Variants in TYRP1 observed in about 807,000 individuals in gnomAD.
The protein encoded by TYRP1 is tyrosinase related protein 1, also known as 5,6-dihydroxyindole-2-carboxylic acid oxidase.
A neutral mutation model predicts 42.8 loss-of-function variants in TYRP1; 49 were observed. The ratio of observed to expected loss-of-function variants is 1.14; its 90% CI spans 0.91 to 1.45. TYRP1 has a LOEUF of 1.45. TYRP1 is among the 40% of genes most tolerant of loss of function. The probability of loss-of-function intolerance (pLI) is 0.00; values close to 1 mark genes in which losing one functional copy is unlikely to be tolerated. For synonymous variants in TYRP1, 279 were observed against 235.4 expected (o/e 1.19, Z -1.69); for missense variants, 848 against 662.0 (o/e 1.28, Z -3.08).
chr9:12,698,813 T>A (rs891315405), intron 4 of TYRP1, among the ~76,000 whole-genome samples, 158 bp downstream of exon 4: 2 of 152,140 alleles, frequency 1.3e-5, no homozygotes, highest in African/African-American at 2.4e-5. Flanking sequence ...ACACCTAGAA[T>A]GTTCAAGGTA....
intron 6 of TYRP1, 44 bp downstream of exon 6, chr9:12,704,749 T>G: frequency 6.3e-7 from 1 of 1,582,976 alleles, no homozygotes; most frequent in Non-Finnish European, 8.7e-7. Flanking sequence ...GCTGGGCGGA[T>G]TGTTTAGATG....
chr9:12,708,965 C>T lies in TYRP1; in HGVS notation c.1409-12C>T. 6.2e-7 allele frequency: 1 copy of T among 1,609,540 alleles called. No individual in the cohort carries two copies. The highest frequency in any genetic ancestry group is 8.5e-7 in the Non-Finnish European group (1 of 1,176,764). On this transcript the variant is annotated splice_polypyrimidine_tract_variant and intron_variant, in intron 7 of 7. Transcript: ENST00000388918. ...TATTTGTCTTTTTATTTTTATCTTC[C>T]TTTCCAAATAGGTCGGGAGTTTAGT...
chr9:12,703,449 T>C (rs1259567590), intron 5 of TYRP1, among the ~76,000 whole-genome samples: 2 of 151,982 alleles, frequency 1.3e-5, no homozygotes, highest in Non-Finnish European at 2.9e-5. Flanking sequence ...TTGGCTAATC[T>C]GTAAACTAAG....
chr9:12,695,482 A>T (rs766379786), intron 2 of TYRP1, 33 bp from the exon 3 acceptor site: 2 of 1,606,480 alleles, frequency 1.2e-6, no homozygotes, highest in Non-Finnish European at 1.7e-6. Context: ...CGCAAGGCAG[A>T]TGTTTTCATG....
At chr9:12,699,378 A>T (rs1025670799) in intron 4 of TYRP1, among the ~76,000 whole-genome samples, 5 of 151,972 alleles carry the variant, frequency 3.3e-5, no homozygotes, top group African/African-American at 4.8e-5. Flanking sequence ...CACAAGGTTT[A>T]ATTATTAGAC....
At chr9:12,706,292 T>C (rs41306300) in intron 6 of TYRP1, among the ~76,000 whole-genome samples, 1,910 of 152,080 alleles carry the variant, frequency 0.013, 40 homozygotes, top group African/African-American at 0.043. Flanking sequence ...ATGGAGACTA[T>C]TCAGTAACCT....
chr9:12,705,545 T>G (rs1818243968), intron 6 of TYRP1, among the ~76,000 whole-genome samples: 1 of 152,164 alleles, frequency 6.6e-6, no homozygotes, highest in Admixed American at 6.6e-5. Flanking sequence ...GAAAATAGTT[T>G]GTTCCATCAA....
At chr9:12,699,299 T>C (rs141441678) in intron 4 of TYRP1, among the ~76,000 whole-genome samples, 8 of 152,004 alleles carry the variant, frequency 5.3e-5, no homozygotes, top group Non-Finnish European at 1.0e-4. Context: ...TTCTGCCACA[T>C]GTAGATCTCT....
chr9:12,693,764 A>ATTACT (rs150317308), intron 1 of TYRP1, 148 bp from the exon 2 acceptor site: 5 of 437,558 alleles, frequency 1.1e-5, no homozygotes, highest in Non-Finnish European at 2.0e-5. Context: ...TTAAAGGTAA[A>ATTACT]ATTTGTGTGA....
Position 12,702,491 on chromosome 9 carries a change from A to T in TYRP1, c.1081+53A>T, listed in dbSNP as rs542025703. On this transcript the variant is annotated intron_variant, in intron 5 of 7. Transcript: ENST00000388918. Reference sequence around the variant, plus strand: ...AAGATCTAGTTATCAGAGAAAACTGAATTATTCAAAAGCAAGTTTCTTTGA... The same window carrying T: ...AAGATCTAGTTATCAGAGAAAACTGTATTATTCAAAAGCAAGTTTCTTTGA... 6.4e-6 allele frequency: 10 copies of T among 1,568,342 alleles called. No homozygotes were observed. The African/African-American group carries it at 1.2e-4, about 19-fold the overall frequency.
rs1471000423 is a variant in TYRP1, at chr9:12,695,768, C to G, written c.639C>G (p.Phe213Leu). ...AGGAAAGCTTTGGTGAAGTGGATTT[C>G]TCTCATGAGGGACCAGCTTTTCTCA... is the stretch of plus-strand genomic sequence containing the variant. ...VGQESFGEVD[F>L]SHEGPAFLTW... The change falls in exon 3 of 8, where the codon TTC becomes TTG. Residue 213 changes from phenylalanine (F) to leucine (L), a missense_variant. Physicochemically the swap from Phe to Leu is conservative, Grantham distance 22. Coordinates refer to ENST00000388918, the MANE Select transcript of TYRP1 (RefSeq NM_000550.3). 3 of 1,614,144 alleles carry G rather than the reference C, an allele frequency of 1.9e-6. No individual in the cohort carries two copies. Among genetic ancestry groups the G allele is most frequent in the Non-Finnish European group, 2.5e-6 (3 of 1,180,006 alleles).
chr9:12,699,019 A>C (rs902680005), intron 4 of TYRP1, among the ~76,000 whole-genome samples: 13 of 152,132 alleles, frequency 8.5e-5, no homozygotes, highest in African/African-American at 3.1e-4. Context: ...ATGTTTCCTA[A>C]GAAAATGTGA....
chr9:12,702,399 T>A lies in TYRP1; in HGVS notation c.1042T>A (p.Tyr348Asn), dbSNP rs1375588071. ...EVGLFDTPPF[Y>N]SNSTNSFRNT... ...TGGTTTATTTGACACGCCTCCTTTT[T>A]ATTCCAACTCTACAAACAGTTTCCG... The change falls in exon 5 of 8, where the codon TAT (tyrosine) becomes AAT (asparagine). Residue 348 changes from tyrosine to asparagine, a missense_variant. Physicochemically the swap from Tyr to Asn is moderately radical, Grantham distance 143. Coordinates refer to ENST00000388918, the MANE Select transcript of TYRP1 (RefSeq NM_000550.3). 1.2e-6 allele frequency: 2 copies of A among 1,612,898 alleles called. No individual in the cohort carries two copies. Among genetic ancestry groups the A allele is most frequent in the South Asian group, 2.2e-5 (2 of 91,072 alleles).
chr9:12,710,139 C>T lies in TYRP1; in HGVS notation c.*957C>T, dbSNP rs1818336605. The T allele has an allele frequency of 6.6e-6, 1 of 151,308 alleles. No homozygotes were observed. Among genetic ancestry groups the T allele is most frequent in the South Asian group, 2.1e-4 (1 of 4,808 alleles). The allele number at this position is 151,308 out of a possible 1,614,324, so 9.4% of individuals were successfully genotyped here. ...GGTTCTATATGAATGCTATTTTTTC[C>T]CTTCTCTTCTAACATGAAATATATT... is the stretch of plus-strand genomic sequence containing the variant. On this transcript the variant is annotated 3_prime_UTR_variant, in exon 8 of 8. Coordinates refer to ENST00000388918, the MANE Select transcript of TYRP1 (RefSeq NM_000550.3).
Position 12,704,653 on chromosome 9 carries a change from G to A in TYRP1, c.1209G>A (p.Leu403=), listed in dbSNP as rs1818229274. 1 of 1,613,078 alleles carries A rather than the reference G, an allele frequency of 6.2e-7. No individual in the cohort carries two copies. The highest frequency in any genetic ancestry group is 1.1e-5 in the South Asian group (1 of 91,064). ...CAAATGATCCTATTTTTGTCCTCCTGCACACCTTCACAGATGCAGTCTTTG... is the reference window on the plus strand; with the variant it reads ...CAAATGATCCTATTTTTGTCCTCCTACACACCTTCACAGATGCAGTCTTTG... ...LSPNDPIFVL[L]HTFTDAVFDE... Residue 403 remains leucine (L), a synonymous_variant, in exon 6 of 8, where the codon CTG becomes CTA. Transcript: ENST00000388918.
chr9:12,700,561 C>A (rs962088851), intron 4 of TYRP1: 34 of 152,020 alleles, frequency 2.2e-4, no homozygotes, highest in African/African-American at 8.0e-4. Context: ...TTCCACAGGA[C>A]TTTGGTCCAT....
intron 3 of TYRP1, 141 bp from the exon 4 acceptor site, chr9:12,698,310 C>T (rs1402125428): frequency 1.2e-6 from 1 of 815,150 alleles, no homozygotes; most frequent in African/African-American, 1.7e-5. Context: ...CCTCTGGGCC[C>T]CTCAGACACC....
chr9:12,707,946 G>A, intron 6 of TYRP1, 51 bp from the exon 7 acceptor site: 1 of 1,528,102 alleles, frequency 6.5e-7, no homozygotes, highest in Non-Finnish European at 8.9e-7. Context: ...ATAATGATAG[G>A]AATATTAATT....
chr9:12,693,827 T>C, intron 1 of TYRP1, 85 bp from the exon 2 acceptor site: 3 of 760,254 alleles, frequency 3.9e-6, no homozygotes, highest in Non-Finnish European at 6.4e-6. Context: ...ATGGGTTCCA[T>C]TTTGAAAGTG....
Sources: allele counts gnomAD v4.1 joint callset (sites outside exome capture counted in the v4.1 genomes callset), GRCh38; gene constraint gnomAD v4.1.1; transcripts MANE v1.5; gene names NCBI Gene and HGNC (gene_info 2026-07-23, HGNC 2026-07-21).